Variants in MLKL observed in about 807,000 individuals in gnomAD.
MLKL encodes the protein mixed lineage kinase domain like pseudokinase.
A neutral mutation model predicts 56.5 loss-of-function variants in MLKL; 55 were observed. That is an observed-to-expected ratio of 0.97 (90% CI 0.78 to 1.22). The LOEUF (loss-of-function observed/expected upper bound fraction) is 1.22. Among genes scored for constraint, MLKL ranks in the 50% most tolerant of loss-of-function variants. The pLI, the probability that MLKL is intolerant of heterozygous loss-of-function variation, is 0.00. For synonymous variants in MLKL, 251 were observed against 208.3 expected (o/e 1.20, Z -1.76); for missense variants, 694 against 573.9 (o/e 1.21, Z -2.14).
At chr16:74,698,637 G>A (rs1332553307) in intron 1 of MLKL, among the ~76,000 whole-genome samples, 3 of 152,198 alleles carry the variant, frequency 2.0e-5, no homozygotes, top group Non-Finnish European at 4.4e-5. Context: ...ATGTGGCAAT[G>A]TTGTTCAAGG....
At position 74,688,813 on chromosome 16, in the gene MLKL, T is replaced by C. The variant is rs142188026; in HGVS notation, c.722+2464A>G. ...GTGGAAAAAACACAAGGTCCTTCAA[T>C]TGATTAATGGATAAGTAGGATATCC... On this transcript the variant is annotated intron_variant, in intron 4 of 10. Coordinates refer to ENST00000308807, the MANE Select transcript of MLKL (RefSeq NM_152649.4). Among the ~76,000 whole-genome samples, 486 of 152,306 alleles carry C rather than the reference T, an allele frequency of 3.2e-3. 1 individual carries two copies. Among genetic ancestry groups the C allele is most frequent in the Non-Finnish European group, 5.1e-3 (344 of 68,032 alleles).
intron 3 of MLKL, 127 bp from the exon 4 acceptor site, chr16:74,691,590 G>C: frequency 9.3e-7 from 1 of 1,072,890 alleles, no homozygotes; most frequent in Non-Finnish European, 1.3e-6. Context: ...GCTGGTGGTG[G>C]CTGGGGCTTC....
chr16:74,673,997 A>G (rs1461387489), intron 10 of MLKL, among the ~76,000 whole-genome samples: 1 of 151,914 alleles, frequency 6.6e-6, no homozygotes, highest in Non-Finnish European at 1.5e-5. Context: ...ACAGATAAAT[A>G]AAGGAAGGAA....
chr16:74,675,284 T>C, intron 9 of MLKL, 71 bp downstream of exon 9: 1 of 1,607,248 alleles, frequency 6.2e-7, no homozygotes. Context: ...GCAGCACTGA[T>C]GGGGAATTTC....
intron 2 of MLKL, among the ~76,000 whole-genome samples, chr16:74,693,421 T>C (rs112751395): frequency 0.01 from 1,345 of 130,144 alleles, 24 homozygotes; most frequent in African/African-American, 0.039. Flanking sequence ...TGAGCCAAGA[T>C]CGTGTCACTG....
In MLKL at chr16:74,681,519, C is replaced by T. The variant is rs142746281; in HGVS notation, c.956+1132G>A. On this transcript the variant is annotated intron_variant, in intron 6 of 10. Transcript: ENST00000308807. ...AAATAAAACACAAGACACGGCCGGG[C>T]GCGGTGGCTCACACTTGTAATCCCA... Among the ~76,000 whole-genome samples the T allele has an allele frequency of 7.7e-3, 1,168 of 151,708 alleles. 14 individuals are homozygous for T. The highest frequency in any genetic ancestry group is 0.026 in the African/African-American group (1,096 of 41,390).
intron 4 of MLKL, among the ~76,000 whole-genome samples, chr16:74,688,791 G>C (rs1487477475): frequency 6.6e-6 from 1 of 151,902 alleles, no homozygotes; most frequent in African/African-American, 2.4e-5. Flanking sequence ...TCAAAAAGTG[G>C]AAAAAACACA....
rs764970932 is a variant in MLKL, at chr16:74,695,396, C to A, written c.362G>T (p.Arg121Leu). 28 of 1,614,084 alleles carry A rather than the reference C, an allele frequency of 1.7e-5. No homozygotes were observed. Among genetic ancestry groups the A allele is most frequent in the Non-Finnish European group, 2.2e-5 (26 of 1,180,042 alleles). ...TTGGCTTATGGGTGAAACAGGCATG[C>A]GTTGCTCAACCTGAAGTAACAGCGA... ...ELSLLLQVEQ[R>L]MPVSPISQGA... Residue 121 changes from arginine to leucine, a missense_variant, in exon 2 of 11, where the codon CGC becomes CTC. Physicochemically the swap from Arg to Leu is moderately radical, Grantham distance 102. Transcript: ENST00000308807.
Position 74,674,953 on chromosome 16 carries a change from A to T in MLKL, c.1381+7T>A. 1 of 1,611,976 alleles carries T rather than the reference A, an allele frequency of 6.2e-7. No individual in the cohort carries two copies. The highest frequency in any genetic ancestry group is 1.1e-5 in the South Asian group (1 of 90,700). ...GCTCACGCTCTTTACACCAGAAAGA[A>T]CCCTACCATCCACAGAGGGCCGCAC... On this transcript the variant is annotated splice_region_variant and intron_variant, in intron 10 of 10. Coordinates refer to ENST00000308807, the MANE Select transcript of MLKL (RefSeq NM_152649.4).
chr16:74,680,300 A>G (rs1465418976), intron 6 of MLKL, among the ~76,000 whole-genome samples: 1 of 152,088 alleles, frequency 6.6e-6, no homozygotes, highest in Non-Finnish European at 1.5e-5. Context: ...TTCTCCTTAA[A>G]CTCACTAGTT....
intron 6 of MLKL, among the ~76,000 whole-genome samples, chr16:74,680,278 A>G (rs1274440840): frequency 2.0e-5 from 3 of 152,202 alleles, no homozygotes; most frequent in Non-Finnish European, 2.9e-5. Flanking sequence ...CCCCTACAAC[A>G]TCCAAAAATA....
In MLKL at chr16:74,695,472, T is replaced by G; in HGVS notation, c.286A>C (p.Ile96Leu). The G allele has an allele frequency of 6.2e-7, 1 of 1,614,196 alleles. No individual in the cohort carries two copies. The highest frequency in any genetic ancestry group is 8.5e-7 in the Non-Finnish European group (1 of 1,180,048). ...TTCCTGTTCACGTCCTTGAAGAGTA[T>G]TTTGTCCTGGCTTGCTGTTAGAAAC... ...CRFLTASQDK[I>L]LFKDVNRKLS... The change falls in exon 2 of 11, where the codon ATA (isoleucine) becomes CTA (leucine). Residue 96 changes from isoleucine (I) to leucine (L), a missense_variant. Coordinates refer to ENST00000308807, the MANE Select transcript of MLKL (RefSeq NM_152649.4).
In MLKL at chr16:74,687,970, T is replaced by C. The variant is rs62051060; in HGVS notation, c.723-2387A>G. On this transcript the variant is annotated intron_variant, in intron 4 of 10. Transcript: ENST00000308807. The stretch of plus-strand genomic sequence containing the variant: ...CCTCCTGAGTAGCTGGGACTACAGG[T>C]GCCCGCCACCACACCTGGCTAATTT... 3.2e-3 allele frequency among the ~76,000 whole-genome samples: 488 copies of C among 152,192 alleles called. 4 individuals are homozygous for C. The highest frequency in any genetic ancestry group is 5.9e-3 in the Non-Finnish European group (400 of 67,978).
intron 2 of MLKL, among the ~76,000 whole-genome samples, chr16:74,693,467 A>AG (rs1555534193): frequency 5.9e-5 from 4 of 67,748 alleles, no homozygotes; most frequent in Admixed American, 1.3e-4. Flanking sequence ...AAAAAAAAAA[A>AG]AGAAAAGAAA....
At chr16:74,683,543 C>T (rs1284803671) in intron 5 of MLKL, among the ~76,000 whole-genome samples, 1 of 147,038 alleles carries the variant, frequency 6.8e-6, no homozygotes, top group Non-Finnish European at 1.5e-5. Flanking sequence ...CTGCAGTAAG[C>T]ATATTGTACC....
At chr16:74,678,754 C>T in intron 7 of MLKL, 145 bp downstream of exon 7, 4 of 639,002 alleles carry the variant, frequency 6.3e-6, no homozygotes, top group South Asian at 5.8e-5. Context: ...TGCCCTCCAG[C>T]TTGGGTGACA....
chr16:74,677,684 C>CT (rs370185392), intron 7 of MLKL: 8 of 151,010 alleles, frequency 5.3e-5, no homozygotes, highest in Non-Finnish European at 7.4e-5. Flanking sequence ...TTTCTTTTTT[C>CT]TTTTTTTTTG....
intron 6 of MLKL, among the ~76,000 whole-genome samples, chr16:74,680,943 G>A (rs1475532167): frequency 6.6e-6 from 1 of 152,086 alleles, no homozygotes; most frequent in Admixed American, 6.6e-5. Flanking sequence ...TTTCATTTGT[G>A]GTTACCTATT....
chr16:74,675,691 ACT>A lies in MLKL; in HGVS notation c.1110_1111del (p.Arg370SerfsTer20). The A allele has an allele frequency of 6.2e-7, 1 of 1,613,398 alleles. No individual in the cohort carries two copies. ...AGGTGAGAGATATGCTGTAGATTTG[ACT>A]CTGTCTGTCTTTTCTCTCGTAGTTC... On this transcript the variant is annotated frameshift_variant, in exon 8 of 11. Coordinates refer to ENST00000308807, the MANE Select transcript of MLKL (RefSeq NM_152649.4). LOFTEE classifies it high-confidence loss of function.
Sources: allele counts gnomAD v4.1 joint callset (sites outside exome capture counted in the v4.1 genomes callset), GRCh38; gene constraint gnomAD v4.1.1; transcripts MANE v1.5; gene names NCBI Gene and HGNC (gene_info 2026-07-23, HGNC 2026-07-21).